NOL10: variants seen among roughly 807,000 people sequenced by gnomAD.
NOL10 encodes nucleolar protein 10, also known as H_NH0074G24.1.
NOL10 carries 58 observed loss-of-function variants against 103.5 expected under a neutral mutation model. That is an observed-to-expected ratio of 0.56 (90% confidence interval 0.45 to 0.70). NOL10 has a LOEUF of 0.70. Among genes scored for constraint, NOL10 ranks in the 30% least tolerant of loss-of-function variants. The pLI is 0.00. For missense variants in NOL10, 763 were observed against 807.3 expected (o/e 0.95, Z 0.67); for synonymous variants, 287 against 282.5 (o/e 1.02, Z -0.16).
intron 13 of NOL10, among the ~76,000 whole-genome samples, chr2:10,630,491 T>C (rs911588576): frequency 1.3e-5 from 2 of 152,080 alleles, no homozygotes; most frequent in East Asian, 3.9e-4. Context: ...GGCGGGCGGA[T>C]CATGAGGTCA....
At chr2:10,595,457 A>G (rs559032691) in intron 17 of NOL10, among the ~76,000 whole-genome samples, 1 of 152,244 alleles carries the variant, frequency 6.6e-6, no homozygotes, top group African/African-American at 2.4e-5. Flanking sequence ...GGCATGCACC[A>G]CTACACCCAG....
intron 9 of NOL10, among the ~76,000 whole-genome samples, chr2:10,661,522 C>A (rs1206856661): frequency 6.6e-6 from 1 of 152,102 alleles, no homozygotes; most frequent in African/African-American, 2.4e-5. Context: ...CAGGCATGCA[C>A]CACCATGCCC....
intron 13 of NOL10, among the ~76,000 whole-genome samples, chr2:10,617,589 A>G (rs183588850): frequency 4.1e-4 from 63 of 152,280 alleles, no homozygotes; most frequent in East Asian, 3.5e-3. Context: ...ATTACAGGAC[A>G]CACAAAGAAA....
chr2:10,656,733 C>T (rs963193464), intron 11 of NOL10, among the ~76,000 whole-genome samples: 2 of 152,184 alleles, frequency 1.3e-5, no homozygotes, highest in East Asian at 3.8e-4. Flanking sequence ...GGCTGGTGGG[C>T]CGTCCACCCG....
chr2:10,628,785 A>T (rs964969038), intron 13 of NOL10, among the ~76,000 whole-genome samples: 1 of 152,214 alleles, frequency 6.6e-6, no homozygotes, highest in Non-Finnish European at 1.5e-5. Context: ...AGGAAACAAC[A>T]CATTTAAGCA....
intron 3 of NOL10, 40 bp downstream of exon 3, chr2:10,681,931 G>T: frequency 1.1e-6 from 1 of 912,352 alleles, no homozygotes; most frequent in Non-Finnish European, 1.6e-6. Flanking sequence ...GCATTTCCTG[G>T]TACAAAATGC....
intron 12 of NOL10, among the ~76,000 whole-genome samples, chr2:10,647,998 C>G (rs1390824181): frequency 6.6e-6 from 1 of 152,178 alleles, no homozygotes; most frequent in Non-Finnish European, 1.5e-5. Flanking sequence ...GGACTCAAGA[C>G]ACACGTAAGC....
intron 13 of NOL10, among the ~76,000 whole-genome samples, chr2:10,632,958 C>T (rs1335018703): frequency 6.6e-6 from 1 of 152,044 alleles, no homozygotes; most frequent in Non-Finnish European, 1.5e-5. Flanking sequence ...TGTGAGCCAC[C>T]GCACTAGGCC....
At chr2:10,603,650 T>C (rs988151610) in intron 14 of NOL10, among the ~76,000 whole-genome samples, 4 of 152,164 alleles carry the variant, frequency 2.6e-5, no homozygotes, top group African/African-American at 7.2e-5. Context: ...TAAACATACA[T>C]ACATGCATAT....
intron 13 of NOL10, among the ~76,000 whole-genome samples, chr2:10,637,533 T>C (rs770758756): frequency 6.6e-6 from 1 of 152,198 alleles, no homozygotes; most frequent in Non-Finnish European, 1.5e-5. Flanking sequence ...AACCCTGTGA[T>C]GGCGTCAGAA....
At chr2:10,575,118 G>A (rs76726806) in intron 20 of NOL10, among the ~76,000 whole-genome samples, 2 of 152,206 alleles carry the variant, frequency 1.3e-5, no homozygotes, top group African/African-American at 4.8e-5. Flanking sequence ...CACAGAGGGA[G>A]GAGGAGGACA....
At chr2:10,683,702 A>G (rs1681944744) in intron 2 of NOL10, among the ~76,000 whole-genome samples, 1 of 152,226 alleles carries the variant, frequency 6.6e-6, no homozygotes, top group African/African-American at 2.4e-5. Flanking sequence ...GGACTTCCCA[A>G]GCTGTGTTGC....
chr2:10,577,581 T>C (rs1169783958), intron 20 of NOL10, 55 bp downstream of exon 20: 3 of 1,280,174 alleles, frequency 2.3e-6, no homozygotes, highest in Admixed American at 2.0e-5. Context: ...ACAAACACTA[T>C]TGAAAGGCTA....
intron 13 of NOL10, among the ~76,000 whole-genome samples, chr2:10,635,743 C>G (rs930757290): frequency 6.6e-6 from 1 of 152,202 alleles, no homozygotes; most frequent in African/African-American, 2.4e-5. Context: ...CCAACATATT[C>G]CTGCAGCCTA....
intron 14 of NOL10, among the ~76,000 whole-genome samples, chr2:10,606,767 T>G (rs139264113): frequency 9.1e-4 from 139 of 152,272 alleles, no homozygotes; most frequent in African/African-American, 3.2e-3. Flanking sequence ...CTTCTAAGTT[T>G]TGGATTGGGT....
At chr2:10,659,124 C>G (rs1680020503) in intron 10 of NOL10, 48 bp downstream of exon 10, 2 of 1,255,222 alleles carry the variant, frequency 1.6e-6, no homozygotes, top group South Asian at 1.3e-5. Flanking sequence ...CATACACACA[C>G]CACTGAAATA....
chr2:10,574,253 G>A (rs1674334761), intron 20 of NOL10, among the ~76,000 whole-genome samples: 1 of 152,184 alleles, frequency 6.6e-6, no homozygotes, highest in Non-Finnish European at 1.5e-5. Flanking sequence ...CTCCCTAGCT[G>A]AGCAAGTGAT....
intron 17 of NOL10, among the ~76,000 whole-genome samples, chr2:10,590,303 C>T (rs908322579): frequency 9.9e-5 from 15 of 152,266 alleles, no homozygotes; most frequent in Non-Finnish European, 1.6e-4. Flanking sequence ...AGATGGGTCT[C>T]ACTATGTTGC....
intron 13 of NOL10, among the ~76,000 whole-genome samples, chr2:10,612,764 A>G (rs546763973): frequency 6.6e-6 from 1 of 152,296 alleles, no homozygotes; most frequent in South Asian, 2.1e-4. Flanking sequence ...TTGGCCTCCC[A>G]AAGTGCTGGA....
Sources: allele counts gnomAD v4.1 joint callset (sites outside exome capture counted in the v4.1 genomes callset), GRCh38; gene constraint gnomAD v4.1.1; transcripts MANE v1.5; gene names NCBI Gene and HGNC (gene_info 2026-07-23, HGNC 2026-07-21).